Variants in ARHGAP24 observed in about 807,000 individuals in gnomAD.
ARHGAP24 encodes the protein Rho GTPase activating protein 24.
A neutral mutation model predicts 76.4 loss-of-function variants in ARHGAP24; 50 were observed. The observed-to-expected ratio is 0.65, with a 90% CI of 0.52 to 0.83. The LOEUF (loss-of-function observed/expected upper bound fraction) is 0.83, where lower values mean the gene tolerates loss of function less well. Ranked by LOEUF, ARHGAP24 falls within the 40% of genes least tolerant of loss-of-function variation. ARHGAP24 has a pLI of 0.00. For missense variants in ARHGAP24, 930 were observed against 914.2 expected, an observed-to-expected ratio of 1.02 and a Z score of -0.22; for synonymous variants, 345 against 323.3, an observed-to-expected ratio of 1.07 and a Z score of -0.72.
chr4:85,984,758 A>T (rs899917734), intron 8 of ARHGAP24, among the ~76,000 whole-genome samples: 1 of 152,182 alleles, frequency 6.6e-6, no homozygotes, highest in Non-Finnish European at 1.5e-5. Context: ...GGAATCTTTG[A>T]TAACTATTGA....
chr4:85,962,828 T>G (rs1209551139), intron 5 of ARHGAP24, among the ~76,000 whole-genome samples: 1 of 151,692 alleles, frequency 6.6e-6, no homozygotes, highest in Admixed American at 6.6e-5. Context: ...CTACAGATAC[T>G]CTGTGGGACC....
intron 3 of ARHGAP24, among the ~76,000 whole-genome samples, chr4:85,814,134 C>T (rs552589507): frequency 3.0e-4 from 45 of 152,140 alleles, no homozygotes; most frequent in African/African-American, 1.1e-3. Flanking sequence ...AACCATCTCC[C>T]ACCAGTTTCC....
chr4:86,000,440 T>A, intron 9 of ARHGAP24, 39 bp from the exon 10 acceptor site: 1 of 861,204 alleles, frequency 1.2e-6, no homozygotes, highest in Non-Finnish European at 1.8e-6. Context: ...CTCTTACTCT[T>A]GCGTCCCCAC....
intron 3 of ARHGAP24, among the ~76,000 whole-genome samples, chr4:85,743,890 A>G (rs140546467): frequency 1.4e-4 from 22 of 152,352 alleles, no homozygotes; most frequent in African/African-American, 5.3e-4. Flanking sequence ...GTTGTAGCAT[A>G]TAACACAGAA....
At chr4:85,753,886 T>C (rs1430226619) in intron 3 of ARHGAP24, among the ~76,000 whole-genome samples, 2 of 152,200 alleles carry the variant, frequency 1.3e-5, no homozygotes, top group East Asian at 3.8e-4. Flanking sequence ...TTCCAACATT[T>C]ATCTTTTCTT....
intron 4 of ARHGAP24, among the ~76,000 whole-genome samples, chr4:85,923,990 T>C (rs959214867): frequency 6.6e-6 from 1 of 152,168 alleles, no homozygotes; most frequent in Non-Finnish European, 1.5e-5. Flanking sequence ...TGTGAATATG[T>C]TGAATGATAA....
At chr4:85,494,468 C>T (rs1162181027) in intron 1 of ARHGAP24, among the ~76,000 whole-genome samples, 1 of 151,682 alleles carries the variant, frequency 6.6e-6, no homozygotes, top group Non-Finnish European at 1.5e-5. Flanking sequence ...GGGTGGAACA[C>T]GAGGTCAAGA....
chr4:85,667,364 A>C (rs551232875), intron 2 of ARHGAP24, among the ~76,000 whole-genome samples: 2 of 152,168 alleles, frequency 1.3e-5, no homozygotes, highest in African/African-American at 4.8e-5. Context: ...GCGCAGTATT[A>C]GGATGGGAGT....
chr4:85,984,551 T>C (rs1238848665), intron 8 of ARHGAP24, among the ~76,000 whole-genome samples: 1 of 152,110 alleles, frequency 6.6e-6, no homozygotes, highest in Non-Finnish European at 1.5e-5. Flanking sequence ...ACCATCACAC[T>C]GGGGGTTAGG....
At chr4:85,675,717 T>G (rs1377072269) in intron 2 of ARHGAP24, among the ~76,000 whole-genome samples, 2 of 152,348 alleles carry the variant, frequency 1.3e-5, no homozygotes, top group Non-Finnish European at 2.9e-5. Context: ...GTGTGCGCTT[T>G]GCTTTGCTTG....
chr4:85,889,541 G>A (rs1215816568), intron 3 of ARHGAP24, among the ~76,000 whole-genome samples: 5 of 152,228 alleles, frequency 3.3e-5, no homozygotes, highest in East Asian at 1.9e-4. Flanking sequence ...GCTTAGTTTC[G>A]TATATTAGTA....
intron 1 of ARHGAP24, among the ~76,000 whole-genome samples, chr4:85,515,267 C>T (rs1724450696): frequency 6.6e-6 from 1 of 151,918 alleles, no homozygotes; most frequent in South Asian, 2.1e-4. Flanking sequence ...AATGATACAT[C>T]ATTTACATGG....
At chr4:85,667,073 T>C (rs1722653024) in intron 2 of ARHGAP24, among the ~76,000 whole-genome samples, 1 of 152,168 alleles carries the variant, frequency 6.6e-6, no homozygotes, top group South Asian at 2.1e-4. Flanking sequence ...CTGCTGTCTT[T>C]TTGTTTGTCT....
chr4:85,900,735 G>A (rs12645494), intron 3 of ARHGAP24, among the ~76,000 whole-genome samples: 98,343 of 152,058 alleles, frequency 0.65, 32,587 homozygotes, highest in East Asian at 0.99. Context: ...TGGGAAGACC[G>A]TTCTTCGCAC....
intron 5 of ARHGAP24, among the ~76,000 whole-genome samples, chr4:85,961,905 A>G (rs1040244195): frequency 3.3e-5 from 5 of 152,072 alleles, no homozygotes; most frequent in Admixed American, 6.6e-5. Flanking sequence ...TTATGAGAAA[A>G]ATTGTTGAAT....
intron 1 of ARHGAP24, among the ~76,000 whole-genome samples, chr4:85,544,897 C>G (rs1275981702): frequency 6.6e-6 from 1 of 151,700 alleles, no homozygotes; most frequent in African/African-American, 2.4e-5. Context: ...CAGTCCAGTT[C>G]TCTTGAAAGT....
intron 3 of ARHGAP24, among the ~76,000 whole-genome samples, chr4:85,741,269 T>C (rs906682416): frequency 6.6e-6 from 1 of 152,100 alleles, no homozygotes; most frequent in Non-Finnish European, 1.5e-5. Flanking sequence ...ATACTAGAGA[T>C]GGGGCTAGAA....
In ARHGAP24 at chr4:85,797,335, G is replaced by A. The variant is rs1254287023; in HGVS notation, c.268+75363G>A. Reference sequence around the variant, plus strand: ...CTACAGGCGCCCGCCACCACGCCCAGCTAATTTTTTTGTATTTTTAGTAGA... The same window carrying A: ...CTACAGGCGCCCGCCACCACGCCCAACTAATTTTTTTGTATTTTTAGTAGA... On this transcript the variant is annotated intron_variant, in intron 3 of 9. Transcript: ENST00000395184. 3.9e-5 allele frequency among the ~76,000 whole-genome samples: 6 copies of A among 152,016 alleles called. No homozygotes were observed. The East Asian group carries it at 1.2e-3, about 29-fold the overall frequency.
At chr4:85,682,884 C>T (rs563911090) in intron 2 of ARHGAP24, among the ~76,000 whole-genome samples, 19 of 152,126 alleles carry the variant, frequency 1.2e-4, no homozygotes, top group Admixed American at 8.5e-4. Context: ...ATACCTCATG[C>T]GTCTCCAATA....
Sources: allele counts gnomAD v4.1 joint callset (sites outside exome capture counted in the v4.1 genomes callset), GRCh38; gene constraint gnomAD v4.1.1; transcripts MANE v1.5; gene names NCBI Gene and HGNC (gene_info 2026-07-23, HGNC 2026-07-21).